The following MAP3K7 variants were observed in gnomAD, a reference collection of about 807,000 sequenced individuals.
MAP3K7 encodes TGF-beta activated kinase 1.
A neutral mutation model predicts 84.8 loss-of-function variants in MAP3K7; 21 were observed. That is an observed-to-expected ratio of 0.25 (90% confidence interval 0.18 to 0.36). The LOEUF (loss-of-function observed/expected upper bound fraction) is 0.36. MAP3K7 is among the 10% of genes least tolerant of loss of function. The probability of loss-of-function intolerance (pLI) is 1.00; values close to 1 mark genes in which losing one functional copy is unlikely to be tolerated. For missense variants in MAP3K7, 503 were observed against 747.7 expected (o/e 0.67, Z 3.82); for synonymous variants, 241 against 247.7 (o/e 0.97, Z 0.25).
intron 1 of MAP3K7, among the ~76,000 whole-genome samples, chr6:90,578,566 C>T (rs368114389): frequency 6.6e-6 from 1 of 152,114 alleles, no homozygotes; most frequent in African/African-American, 2.4e-5. Context: ...TGAACCACTG[C>T]ACCTGGCCAG....
At chr6:90,553,833 G>A in intron 6 of MAP3K7, among the ~76,000 whole-genome samples, 1 of 152,168 alleles carries the variant, frequency 6.6e-6, no homozygotes, top group South Asian at 2.1e-4. Flanking sequence ...TTTTCATCAA[G>A]AGGCAGTTTT....
rs1305328490 is a variant in MAP3K7 at position 90,568,466 on chromosome 6, AAC to A, written c.297+90_297+91del. 16 of 1,072,128 alleles carry A rather than the reference AAC, an allele frequency of 1.5e-5. No homozygotes were observed. In the African/African-American group the frequency reaches 2.1e-4, roughly 14 times the overall value. 66.4% of individuals were successfully genotyped at this position (1,072,128 alleles called of 1,614,324 possible). On this transcript the variant is annotated intron_variant, in intron 3 of 16. Coordinates refer to ENST00000369329, the MANE Select transcript of MAP3K7 (RefSeq NM_145331.3). Reference sequence around the variant, plus strand: ...TAATATTTTTGAAAAACTTAAAAAAAACAAAAAAACCCAAAAATAGCTACATA... The same window carrying A: ...TAATATTTTTGAAAAACTTAAAAAAAAAAAAAACCCAAAAATAGCTACATA...
chr6:90,581,301 T>G (rs568584351), intron 1 of MAP3K7, among the ~76,000 whole-genome samples: 40 of 152,344 alleles, frequency 2.6e-4, no homozygotes, highest in Middle Eastern at 3.4e-3. Context: ...TGACTACAGC[T>G]GTCAGTTTCA....
chr6:90,564,836 CAAATGT>C (rs1193477264), intron 3 of MAP3K7, among the ~76,000 whole-genome samples: 4 of 152,158 alleles, frequency 2.6e-5, no homozygotes, highest in African/African-American at 9.7e-5. Flanking sequence ...CACTCCTCAG[CAAATGT>C]AAAAGAACAG....
At chr6:90,536,770 C>A (rs543217924) in intron 12 of MAP3K7, 6 of 181,314 alleles carry the variant, frequency 3.3e-5, no homozygotes, top group South Asian at 1.2e-4. Flanking sequence ...AAGGGCCTTA[C>A]GTTACAGTTT....
At chr6:90,553,152 C>G (rs369635234) in intron 7 of MAP3K7, among the ~76,000 whole-genome samples, 1 of 151,954 alleles carries the variant, frequency 6.6e-6, no homozygotes, top group South Asian at 2.1e-4. Context: ...TTCCATGATC[C>G]AGCCTGATGC....
intron 13 of MAP3K7, among the ~76,000 whole-genome samples, chr6:90,530,468 CT>C (rs1775472802): frequency 6.6e-6 from 1 of 152,154 alleles, no homozygotes; most frequent in Non-Finnish European, 1.5e-5. Context: ...TCACCTTCTA[CT>C]TTCCAAGAAA....
intron 5 of MAP3K7, 57 bp downstream of exon 5, chr6:90,560,019 G>A (rs1348173568): frequency 6.2e-7 from 1 of 1,601,660 alleles, no homozygotes. Flanking sequence ...GTTCGGGGTG[G>A]TGAGAGTGAG....
At chr6:90,586,700 G>C in intron 1 of MAP3K7, 64 bp downstream of exon 1, 1 of 1,539,002 alleles carries the variant, frequency 6.5e-7, no homozygotes, top group Non-Finnish European at 8.8e-7. Context: ...TTCAGAGCCG[G>C]CACCAGGCAG....
intron 13 of MAP3K7, among the ~76,000 whole-genome samples, chr6:90,535,250 C>G (rs1026783286): frequency 6.6e-6 from 1 of 151,678 alleles, no homozygotes; most frequent in African/African-American, 2.4e-5. Context: ...TTATTAATGA[C>G]TACAAAGGAT....
At chr6:90,549,446 G>A (rs1193397687) in intron 9 of MAP3K7, among the ~76,000 whole-genome samples, 1 of 152,180 alleles carries the variant, frequency 6.6e-6, no homozygotes, top group Non-Finnish European at 1.5e-5. Flanking sequence ...CAGCTGCATT[G>A]GTACAGGCAA....
At chr6:90,565,201 C>T (rs546482691) in intron 3 of MAP3K7, among the ~76,000 whole-genome samples, 1 of 152,128 alleles carries the variant, frequency 6.6e-6, no homozygotes, top group East Asian at 1.9e-4. Context: ...CAAGAAATAA[C>T]TAAGATCGGA....
At chr6:90,565,068 G>C (rs1776656349) in intron 3 of MAP3K7, among the ~76,000 whole-genome samples, 1 of 152,122 alleles carries the variant, frequency 6.6e-6, no homozygotes, top group South Asian at 2.1e-4. Context: ...AGTGTGTAGA[G>C]GGAAATTTAT....
At chr6:90,548,350 G>A (rs1025175727) in intron 9 of MAP3K7, among the ~76,000 whole-genome samples, 173 bp from the exon 10 acceptor site, 12 of 152,112 alleles carry the variant, frequency 7.9e-5, no homozygotes, top group Admixed American at 2.6e-4. Flanking sequence ...GAAACTTAAG[G>A]ATAGCACAAA....
intron 13 of MAP3K7, 91 bp from the exon 14 acceptor site, chr6:90,523,874 T>TA (rs1411179118): frequency 6.8e-6 from 5 of 733,456 alleles, no homozygotes; most frequent in East Asian, 5.2e-5. Context: ...AGAAGAGACT[T>TA]AGAGATCCCC....
chr6:90,562,608 A>C (rs1032948463), intron 3 of MAP3K7, among the ~76,000 whole-genome samples: 3 of 152,320 alleles, frequency 2.0e-5, no homozygotes. Flanking sequence ...ACCACAGCTC[A>C]AGGAGGCCTG....
In MAP3K7 at chr6:90,554,153, T is replaced by G. The variant is rs181121263; in HGVS notation, c.608-567A>C. Among the ~76,000 whole-genome samples, 85 of 152,286 alleles carry G rather than the reference T, an allele frequency of 5.6e-4. 1 individual carries two copies. Among genetic ancestry groups the G allele is most frequent in the African/African-American group, 1.9e-3 (78 of 41,558 alleles). ...AACTCCTGGGCTCAACTGATCCTCC[T>G]GCTCTGGCCTCCCGAGGCGCTGGGA... On this transcript the variant is annotated intron_variant, in intron 6 of 16. Coordinates refer to ENST00000369329, the MANE Select transcript of MAP3K7 (RefSeq NM_145331.3).
chr6:90,586,093 C>G (rs1223870797), intron 1 of MAP3K7, among the ~76,000 whole-genome samples: 1 of 152,188 alleles, frequency 6.6e-6, no homozygotes, highest in African/African-American at 2.4e-5. Flanking sequence ...TTACGTCCGG[C>G]CGGGCCCGGT....
rs1447165897 is a variant in MAP3K7, at chr6:90,516,067, T to C, written c.*434A>G. 1 of 188,796 alleles carries C rather than the reference T, an allele frequency of 5.3e-6. No individual in the cohort carries two copies. The highest frequency in any genetic ancestry group is 2.4e-5 in the African/African-American group (1 of 41,636). 11.7% of individuals were successfully genotyped at this position (188,796 alleles called of 1,614,324 possible). A position where few individuals can be genotyped will look rare whatever the true frequency, so the allele number is the denominator to read the frequency against. On this transcript the variant is annotated 3_prime_UTR_variant, in exon 17 of 17. Coordinates refer to ENST00000369329, the MANE Select transcript of MAP3K7 (RefSeq NM_145331.3). ...CCTGTCTTTAACTTGGTATATACCA[T>C]CTTTTGGGAAAAAAATTATTAATAT...
Sources: allele counts gnomAD v4.1 joint callset (sites outside exome capture counted in the v4.1 genomes callset), GRCh38; gene constraint gnomAD v4.1.1; transcripts MANE v1.5; gene names NCBI Gene and HGNC (gene_info 2026-07-23, HGNC 2026-07-21).